The following EEF1G variants were observed in gnomAD, a reference collection of about 807,000 sequenced individuals.
EEF1G encodes eukaryotic translation elongation factor 1 gamma, also known as elongation factor 1-gamma.
A neutral mutation model predicts 58.3 loss-of-function variants in EEF1G; 14 were observed. The observed-to-expected ratio is 0.24, with a 90% confidence interval of 0.16 to 0.38. EEF1G has a LOEUF of 0.38. EEF1G is among the 10% of genes least tolerant of loss of function. The probability of loss-of-function intolerance (pLI) is 1.00; values close to 1 mark genes in which losing one functional copy is unlikely to be tolerated. For synonymous variants in EEF1G, 180 were observed against 206.8 expected (o/e 0.87, Z 1.11); for missense variants, 322 against 550.1 (o/e 0.59, Z 4.15).
chr11:62,561,877 T>C (rs1039492439), intron 7 of EEF1G, among the ~76,000 whole-genome samples: 2 of 152,178 alleles, frequency 1.3e-5, no homozygotes, highest in African/African-American at 4.8e-5. Flanking sequence ...ATTGACCCTT[T>C]AATTTACAAG....
chr11:62,571,419 G>A (rs546734230), intron 4 of EEF1G, 121 bp downstream of exon 4: 50 of 1,403,044 alleles, frequency 3.6e-5, no homozygotes, highest in South Asian at 7.4e-5. Flanking sequence ...TAGAGATTAC[G>A]TCTTCTCATT....
chr11:62,564,758 CAAAAA>C (rs34663205), intron 7 of EEF1G, among the ~76,000 whole-genome samples: 4 of 75,054 alleles, frequency 5.3e-5, no homozygotes, highest in South Asian at 1.2e-3. Context: ...GACTCCATCT[CAAAAA>C]AAAAAAAAAA....
At chr11:62,571,382 A>G (rs140578405) in intron 4 of EEF1G, among the ~76,000 whole-genome samples, 158 bp downstream of exon 4, 3 of 152,230 alleles carry the variant, frequency 2.0e-5, no homozygotes, top group East Asian at 1.9e-4. Context: ...TCCTCCATCA[A>G]CTGCCCACTG....
intron 5 of EEF1G, among the ~76,000 whole-genome samples, chr11:62,568,984 A>AC (rs1184725916): frequency 6.6e-6 from 1 of 151,848 alleles, no homozygotes; most frequent in Non-Finnish European, 1.5e-5. Context: ...AAAAAAAAAA[A>AC]AAGATTGAGA....
rs1350230815 is a variant in EEF1G at position 62,561,696 on chromosome 11, A to C, written c.858-1242T>G. ...CAAAAAAAAAACAAAAAAAAAAAAA[A>C]CAACCAAAAAACACATATATGTGTG... is the stretch of plus-strand genomic sequence containing the variant. On this transcript the variant is annotated intron_variant, in intron 7 of 9. Transcript: ENST00000329251. 3.6e-3 allele frequency among the ~76,000 whole-genome samples: 468 copies of C among 129,322 alleles called. 2 individuals carry two copies. The highest frequency in any genetic ancestry group is 0.011 in the African/African-American group (397 of 36,022). 84.8% of individuals were successfully genotyped at this position (129,322 alleles called of 152,430 possible).
intron 7 of EEF1G, among the ~76,000 whole-genome samples, chr11:62,562,812 T>C (rs1047423229): frequency 4.6e-5 from 7 of 152,154 alleles, no homozygotes. Context: ...CCTACAGCCT[T>C]TGATTTTTCA....
intron 7 of EEF1G, among the ~76,000 whole-genome samples, chr11:62,564,758 C>CAAAAAAA (rs34663205): frequency 2.5e-4 from 19 of 75,040 alleles, no homozygotes; most frequent in African/African-American, 9.9e-4. Flanking sequence ...GACTCCATCT[C>CAAAAAAA]AAAAAAAAAA....
chr11:62,573,472 C>G, intron 1 of EEF1G: 1 of 359,432 alleles, frequency 2.8e-6, no homozygotes, highest in Admixed American at 4.3e-5. Context: ...TACAAAGACC[C>G]TCCTCTTCAA....
intron 5 of EEF1G, among the ~76,000 whole-genome samples, chr11:62,569,180 T>TG (rs1315397041): frequency 1.3e-5 from 2 of 152,080 alleles, no homozygotes; most frequent in African/African-American, 4.8e-5. Flanking sequence ...TTTAGAATAA[T>TG]GGACAGTCCT....
chr11:62,571,126 T>A lies in EEF1G; in HGVS notation c.379-18A>T, dbSNP rs778663635. On this transcript the variant is annotated intron_variant, in intron 4 of 9. Coordinates refer to ENST00000329251, the MANE Select transcript of EEF1G (RefSeq NM_001404.5). ...TCAGTGGCCTAGTGATTCAACATGATAAAACTCATCAGTGGGTACCAATCC... is the reference window on the plus strand; with the variant it reads ...TCAGTGGCCTAGTGATTCAACATGAAAAAACTCATCAGTGGGTACCAATCC... The A allele has an allele frequency of 5.0e-6, 8 of 1,613,814 alleles. No homozygotes were observed. In the East Asian group the frequency reaches 1.8e-4, roughly 36 times the overall value.
Position 62,560,420 on chromosome 11 carries a change from A to G in EEF1G, c.892T>C (p.Ser298Pro). The change falls in exon 8 of 10, where the codon TCC becomes CCC. Residue 298 changes from serine (S) to proline (P), a missense_variant. By Grantham distance (74) the Ser-to-Pro change is moderately conservative. Transcript: ENST00000329251. The part of the protein sequence containing the change: ...FVLDEFKRKY[S>P]NEDTLSVALP... ...GCCACAGAGAGTGTGTCCTCATTGGAGTACTTGCGCTTAAATTCATCCAAC... is the reference window on the plus strand; with the variant it reads ...GCCACAGAGAGTGTGTCCTCATTGGGGTACTTGCGCTTAAATTCATCCAAC... 1 of 1,610,298 alleles carries G rather than the reference A, an allele frequency of 6.2e-7. No homozygotes were observed. The highest frequency in any genetic ancestry group is 1.1e-5 in the South Asian group (1 of 90,268).
chr11:62,568,461 C>T (rs539345216), intron 5 of EEF1G, among the ~76,000 whole-genome samples: 5 of 151,348 alleles, frequency 3.3e-5, no homozygotes, highest in African/African-American at 9.7e-5. Flanking sequence ...ATCTTGAACT[C>T]GCATGCTCAA....
At chr11:62,564,024 T>C (rs972919451) in intron 7 of EEF1G, among the ~76,000 whole-genome samples, 1 of 152,244 alleles carries the variant, frequency 6.6e-6, no homozygotes, top group Non-Finnish European at 1.5e-5. Flanking sequence ...AGCCTCAACC[T>C]GCTGGACTCA....
chr11:62,559,764 T>C lies in EEF1G; in HGVS notation c.1229A>G (p.Gln410Arg). 6.2e-7 allele frequency: 1 copy of C among 1,614,014 alleles called. No homozygotes were observed. The highest frequency in any genetic ancestry group is 8.5e-7 in the Non-Finnish European group (1 of 1,179,886). ...RKLDPGSEET[Q>R]TLVREYFSWE... The stretch of plus-strand genomic sequence containing the variant: ...GGAAAAGTACTCTCGAACCAGCGTC[T>C]GGGTCTCCTCGCTGCCAGGATCCAG... The change falls in exon 10 of 10, where the codon CAG becomes CGG. Residue 410 changes from glutamine to arginine, a missense_variant. Gln to Arg is a conservative substitution (Grantham distance 43, BLOSUM62 1). Coordinates refer to ENST00000329251, the MANE Select transcript of EEF1G (RefSeq NM_001404.5).
intron 1 of EEF1G, chr11:62,573,106 T>C (rs981716319): frequency 3.0e-5 from 5 of 167,430 alleles, no homozygotes; most frequent in South Asian, 1.6e-4. Flanking sequence ...GCTTCATTCA[T>C]TGATGGTTCC....
chr11:62,565,980 C>A (rs1178246221), intron 7 of EEF1G, among the ~76,000 whole-genome samples: 1 of 152,006 alleles, frequency 6.6e-6, no homozygotes, highest in Non-Finnish European at 1.5e-5. Context: ...AAAAGATGAA[C>A]GGCTTTGGAA....
At chr11:62,572,846 A>C in intron 1 of EEF1G, 104 bp from the exon 2 acceptor site, 18 of 1,104,404 alleles carry the variant, frequency 1.6e-5, no homozygotes, top group Non-Finnish European at 2.2e-5. Context: ...TATTCAACTC[A>C]CCCTTTTACT....
At chr11:62,563,023 T>G (rs1188606672) in intron 7 of EEF1G, among the ~76,000 whole-genome samples, 10 of 151,738 alleles carry the variant, frequency 6.6e-5, no homozygotes, top group Admixed American at 6.6e-4. Flanking sequence ...GGCAAGAGAA[T>G]TGCTTGAGTC....
At chr11:62,570,534 G>T (rs981293255) in intron 5 of EEF1G, among the ~76,000 whole-genome samples, 1 of 152,082 alleles carries the variant, frequency 6.6e-6, no homozygotes, top group African/African-American at 2.4e-5. Flanking sequence ...GCAAGTGATG[G>T]TACTCAGTCC....
Sources: gnomAD v4.1 joint callset for allele counts (sites outside exome capture counted in the v4.1 genomes callset) on GRCh38, gnomAD v4.1.1 for gene constraint, MANE v1.5 for transcripts, NCBI Gene and HGNC (gene_info 2026-07-23, HGNC 2026-07-21) for gene names.